Variants in LRFN5 observed in about 807,000 individuals in gnomAD.
LRFN5 encodes leucine-rich repeat and fibronectin type-III domain-containing protein 5.
A neutral mutation model predicts 45.6 loss-of-function variants in LRFN5; 24 were observed. That is an observed-to-expected ratio of 0.53 (90% CI 0.38 to 0.74). The LOEUF (loss-of-function observed/expected upper bound fraction) is 0.74. LRFN5 is among the 30% of genes least tolerant of loss of function. The probability of loss-of-function intolerance (pLI) is 0.00; values close to 1 mark genes in which losing one functional copy is unlikely to be tolerated. For synonymous variants in LRFN5, 340 were observed against 313.8 expected, an observed-to-expected ratio of 1.08 and a Z score of -0.88; for missense variants, 776 against 861.5, an observed-to-expected ratio of 0.90 and a Z score of 1.24.
chr14:41,876,801 G>A (rs1566498483), intron 2 of LRFN5, among the ~76,000 whole-genome samples: 1 of 151,952 alleles, frequency 6.6e-6, no homozygotes, highest in Admixed American at 6.6e-5. Flanking sequence ...TATGCCTTGT[G>A]TTTTTACCCG....
chr14:41,894,684 A>G (rs1271360329), intron 4 of LRFN5: 2 of 985,178 alleles, frequency 2.0e-6, no homozygotes, highest in Admixed American at 6.2e-5. Context: ...GATATTACCT[A>G]TCATGATGTC....
At position 41,774,578 on chromosome 14, in the gene LRFN5, A is replaced by T. The variant is rs1992851; in HGVS notation, c.-21+7549A>T. Among the ~76,000 whole-genome samples the T allele has an allele frequency of 4.6e-5, 7 of 152,116 alleles. 1 individual carries two copies. In the South Asian group the frequency reaches 1.5e-3, roughly 32 times the overall value. ...TAAAACACGACAAAATTTAATGTTG[A>T]AACTACATGACAAATTGTATGGAAA... On this transcript the variant is annotated intron_variant, in intron 2 of 5. Coordinates refer to ENST00000298119, the MANE Select transcript of LRFN5 (RefSeq NM_152447.5).
chr14:41,843,991 A>G (rs989612409), intron 2 of LRFN5, among the ~76,000 whole-genome samples: 1 of 152,220 alleles, frequency 6.6e-6, no homozygotes, highest in African/African-American at 2.4e-5. Context: ...GAAGGGGCCA[A>G]TAGCTAAAAG....
At chr14:41,841,317 A>C (rs368650472) in intron 2 of LRFN5, among the ~76,000 whole-genome samples, 1 of 151,964 alleles carries the variant, frequency 6.6e-6, no homozygotes, top group Non-Finnish European at 1.5e-5. Context: ...AGAGAAAAGT[A>C]AAATGGCTTC....
intron 1 of LRFN5, among the ~76,000 whole-genome samples, chr14:41,712,444 A>G (rs1298473379): frequency 6.6e-6 from 1 of 152,112 alleles, no homozygotes; most frequent in African/African-American, 2.4e-5. Flanking sequence ...AACGTTCTGA[A>G]TTTTGCGTTA....
chr14:41,688,803 G>A (rs1300625705), intron 1 of LRFN5, among the ~76,000 whole-genome samples: 1 of 151,394 alleles, frequency 6.6e-6, no homozygotes, highest in African/African-American at 2.4e-5. Flanking sequence ...CAAGCACAGT[G>A]ACTTATGTCT....
At chr14:41,673,190 C>T (rs1297663892) in intron 1 of LRFN5, among the ~76,000 whole-genome samples, 2 of 152,104 alleles carry the variant, frequency 1.3e-5, no homozygotes, top group African/African-American at 4.8e-5. Context: ...TTCCACAAAA[C>T]CGCCATTGTC....
intron 1 of LRFN5, among the ~76,000 whole-genome samples, chr14:41,694,260 T>C (rs2138711281): frequency 6.6e-6 from 1 of 152,144 alleles, no homozygotes; most frequent in African/African-American, 2.4e-5. Context: ...GTACTCACAC[T>C]GCTGTGCAAA....
At chr14:41,657,526 G>A (rs1026292222) in intron 1 of LRFN5, among the ~76,000 whole-genome samples, 16 of 151,886 alleles carry the variant, frequency 1.1e-4, no homozygotes, top group African/African-American at 3.4e-4. Context: ...GCATTTGATA[G>A]GAAGCTCATA....
chr14:41,808,826 G>C (rs2138986910), intron 2 of LRFN5, among the ~76,000 whole-genome samples: 1 of 152,136 alleles, frequency 6.6e-6, no homozygotes, highest in African/African-American at 2.4e-5. Flanking sequence ...AGTGTCAATT[G>C]ATTGCTTATT....
chr14:41,609,316 T>G (rs1024606150), intron 1 of LRFN5, among the ~76,000 whole-genome samples: 14 of 143,620 alleles, frequency 9.7e-5, no homozygotes, highest in Non-Finnish European at 1.6e-4. Context: ...CCTTTGCGCG[T>G]TTTTTTGTTG....
intron 1 of LRFN5, among the ~76,000 whole-genome samples, chr14:41,718,472 C>G (rs1883581170): frequency 6.6e-6 from 1 of 152,134 alleles, no homozygotes; most frequent in African/African-American, 2.4e-5. Flanking sequence ...GGCAGAAATT[C>G]TAGTTATTAT....
intron 4 of LRFN5, 43 bp from the exon 5 acceptor site, chr14:41,898,874 T>C (rs1474322029): frequency 2.6e-6 from 4 of 1,568,014 alleles, no homozygotes; most frequent in Non-Finnish European, 3.5e-6. Context: ...CTATTTCTTT[T>C]AAAAAAATGA....
intron 2 of LRFN5, among the ~76,000 whole-genome samples, chr14:41,849,589 C>A (rs1181419525): frequency 6.6e-6 from 1 of 151,898 alleles, no homozygotes; most frequent in Non-Finnish European, 1.5e-5. Context: ...TCCCTCTGTT[C>A]CAAATGATTA....
At chr14:41,892,084 A>G (rs1890806425) in intron 4 of LRFN5, 122 bp downstream of exon 4, 1 of 1,463,248 alleles carries the variant, frequency 6.8e-7, no homozygotes, top group Non-Finnish European at 9.0e-7. Context: ...TGTTTCCTAA[A>G]AGAAGCATGT....
intron 1 of LRFN5, among the ~76,000 whole-genome samples, chr14:41,642,923 T>G (rs1242163624): frequency 1.3e-5 from 2 of 152,200 alleles, no homozygotes; most frequent in African/African-American, 4.8e-5. Context: ...CCAAATAATT[T>G]GTTATACTTG....
At chr14:41,833,824 C>G (rs935004489) in intron 2 of LRFN5, among the ~76,000 whole-genome samples, 1 of 152,112 alleles carries the variant, frequency 6.6e-6, no homozygotes. Context: ...GAGAGAGTTG[C>G]TCAGATTCTC....
chr14:41,867,325 G>T (rs1355199232), intron 2 of LRFN5, among the ~76,000 whole-genome samples: 1 of 151,834 alleles, frequency 6.6e-6, no homozygotes, highest in Non-Finnish European at 1.5e-5. Context: ...TTAAATGTTA[G>T]TTGGTGTATT....
intron 1 of LRFN5, among the ~76,000 whole-genome samples, chr14:41,755,312 G>T (rs1040161913): frequency 1.3e-5 from 2 of 152,098 alleles, no homozygotes; most frequent in Non-Finnish European, 2.9e-5. Flanking sequence ...TAAGTTCCTG[G>T]ATATCCTTGT....
Sources: gnomAD v4.1 joint callset for allele counts (sites outside exome capture counted in the v4.1 genomes callset) on GRCh38, gnomAD v4.1.1 for gene constraint, MANE v1.5 for transcripts, NCBI Gene and HGNC (gene_info 2026-07-23, HGNC 2026-07-21) for gene names.